The following BBLN variants were observed in gnomAD, a reference collection of about 807,000 sequenced individuals.
BBLN encodes the protein bublin coiled coil protein, also known as bublin coiled-coil protein.
Under a neutral mutation model 7.6 loss-of-function variants are expected in BBLN, and 6 were observed. That is an observed-to-expected ratio of 0.79 (90% CI 0.43 to 1.55). The LOEUF is 1.55. Among genes scored for constraint, BBLN ranks in the 40% most tolerant of loss-of-function variants. The probability of loss-of-function intolerance (pLI) is 0.01; values close to 1 mark genes in which losing one functional copy is unlikely to be tolerated. For synonymous variants in BBLN, 35 were observed against 46.7 expected (o/e 0.75, Z 1.02); for missense variants, 100 against 111.1 (o/e 0.90, Z 0.45).
rs11547072 is a variant in BBLN at position 128,163,554 on chromosome 9, G to C, written c.191G>C (p.Arg64Pro). The C allele has an allele frequency of 1.2e-6, 2 of 1,608,530 alleles. No individual in the cohort carries two copies. Among genetic ancestry groups the C allele is most frequent in the Non-Finnish European group, 1.7e-6 (2 of 1,177,300 alleles). Residue 64 changes from arginine to proline, a missense_variant, in exon 2 of 2, where the codon CGG becomes CCG. Physicochemically the swap from Arg to Pro is moderately radical, Grantham distance 103. Transcript: ENST00000372994. The surrounding 1 kb of genome is among the most constrained non-coding windows in gnomAD (Gnocchi z 5.7). ...CTCCAGGAGCTGCTGGAGTCCAACC[G>C]GCAGACACGCCTGGAGTTCCAGCAG... ...ARLQELLESN[R>P]QTRLEFQQQL... is the part of the protein sequence containing the mutation.
chr9:128,161,373 G>A (rs995443452), intron 1 of BBLN, among the ~76,000 whole-genome samples: 1 of 152,218 alleles, frequency 6.6e-6, no homozygotes, highest in African/African-American at 2.4e-5. Flanking sequence ...ATGCTGTTGG[G>A]AGCATCAGGA....
chr9:128,162,449 C>G (rs923922253), intron 1 of BBLN: 1 of 152,490 alleles, frequency 6.6e-6, no homozygotes, highest in African/African-American at 2.4e-5. Context: ...CTGGAGTGGC[C>G]GTGGAGGGGA....
chr9:128,160,268 T>C lies in BBLN; in HGVS notation c.-140T>C, dbSNP rs919170626. 6.9e-6 allele frequency: 3 copies of C among 432,564 alleles called. No homozygotes were observed. The highest frequency in any genetic ancestry group is 1.2e-5 in the Non-Finnish European group (3 of 257,974). The allele number at this position is 432,564 out of a possible 1,614,324, so 26.8% of individuals were successfully genotyped here. A position where few individuals can be genotyped will look rare whatever the true frequency, so the allele number is the denominator to read the frequency against. ...GCTTCAGGGGCGGGGCACCGGCCTC[T>C]GGGCGGAGATCTGCTGCCGCGTTCT... On this transcript the variant is annotated 5_prime_UTR_variant, in exon 1 of 2. Transcript: ENST00000372994.
At position 128,163,856 on chromosome 9, in the gene BBLN, C is replaced by T. The variant is rs749181296; in HGVS notation, c.*241C>T. On this transcript the variant is annotated 3_prime_UTR_variant, in exon 2 of 2. Coordinates refer to ENST00000372994, the MANE Select transcript of BBLN (RefSeq NM_024112.4). The surrounding 1 kb of genome is among the most constrained non-coding windows in gnomAD (Gnocchi z 5.7). ...GCCTGCAACCCACCCACTTGCCTGC[C>T]CACCCAACTCCTGGGCGCTCCCCAC... is the stretch of plus-strand genomic sequence containing the variant. 6.2e-5 allele frequency: 30 copies of T among 483,242 alleles called. No homozygotes were observed. Among genetic ancestry groups the T allele is most frequent in the Non-Finnish European group, 9.9e-5 (27 of 273,082 alleles). The allele number at this position is 483,242 out of a possible 1,614,324, so 29.9% of individuals were successfully genotyped here. A position where few individuals can be genotyped will look rare whatever the true frequency, so the allele number is the denominator to read the frequency against.
At position 128,160,355 on chromosome 9, in the gene BBLN, C is replaced by T. The variant is rs113801115; in HGVS notation, c.-53C>T. 4.0e-5 allele frequency: 45 copies of T among 1,119,248 alleles called. No individual in the cohort carries two copies. The South Asian group carries it at 5.6e-4, about 14-fold the overall frequency. The allele number at this position is 1,119,248 out of a possible 1,614,324, so 69.3% of individuals were successfully genotyped here. A position where few individuals can be genotyped will look rare whatever the true frequency, so the allele number is the denominator to read the frequency against. On this transcript the variant is annotated 5_prime_UTR_variant, in exon 1 of 2. Transcript: ENST00000372994. ...TTCCATCCGGCGCCGGCTTTCGGCG[C>T]GACGGTCGCCGCGTTCCATCGTCGC...
At position 128,163,873 on chromosome 9, in the gene BBLN, G is replaced by A. The variant is rs1403601416; in HGVS notation, c.*258G>A. The A allele has an allele frequency of 1.3e-5, 6 of 472,538 alleles. No homozygotes were observed. Among genetic ancestry groups the A allele is most frequent in the Middle Eastern group, 5.5e-4 (1 of 1,804 alleles). 29.3% of individuals were successfully genotyped at this position (472,538 alleles called of 1,614,324 possible). A position where few individuals can be genotyped will look rare whatever the true frequency, so the allele number is the denominator to read the frequency against. On this transcript the variant is annotated 3_prime_UTR_variant, in exon 2 of 2. Transcript: ENST00000372994. This position sits in a 1 kb window ranked among gnomAD's most constrained non-coding sequence, Gnocchi z 5.7. ...TTGCCTGCCCACCCAACTCCTGGGC[G>A]CTCCCCACTCTGCCCAGGCCTTGAG...
Position 128,163,832 on chromosome 9 carries a change from C to A in BBLN, c.*217C>A. 2.0e-6 allele frequency: 1 copy of A among 491,468 alleles called. No homozygotes were observed. The highest frequency in any genetic ancestry group is 3.6e-6 in the Non-Finnish European group (1 of 279,244). 30.4% of individuals were successfully genotyped at this position (491,468 alleles called of 1,614,324 possible). A position where few individuals can be genotyped will look rare whatever the true frequency, so the allele number is the denominator to read the frequency against. Reference sequence around the variant, plus strand: ...ATGCCCTCCTGGGGCCAAGAGTGGGCCTGCAACCCACCCACTTGCCTGCCC... The same window carrying A: ...ATGCCCTCCTGGGGCCAAGAGTGGGACTGCAACCCACCCACTTGCCTGCCC... On this transcript the variant is annotated 3_prime_UTR_variant, in exon 2 of 2. Coordinates refer to ENST00000372994, the MANE Select transcript of BBLN (RefSeq NM_024112.4). This position sits in a 1 kb window ranked among gnomAD's most constrained non-coding sequence, Gnocchi z 5.7.
rs73672436 is a variant in BBLN, at chr9:128,163,632, A to G, written c.*17A>G. ...AGCCCCTAGGCTCCAAGAGCCCCCA[A>G]CCGGGACCCAACCCTGCCTCCCTGG... On this transcript the variant is annotated 3_prime_UTR_variant, in exon 2 of 2. Transcript: ENST00000372994. This position sits in a 1 kb window ranked among gnomAD's most constrained non-coding sequence, Gnocchi z 5.7. The G allele has an allele frequency of 3.4e-6, 5 of 1,474,154 alleles. No homozygotes were observed. The highest frequency in any genetic ancestry group is 2.8e-5 in the African/African-American group (2 of 70,392). 91.3% of individuals were successfully genotyped at this position (1,474,154 alleles called of 1,614,324 possible). A position where few individuals can be genotyped will look rare whatever the true frequency, so the allele number is the denominator to read the frequency against.
chr9:128,161,572 GAC>G (rs372657668), intron 1 of BBLN, among the ~76,000 whole-genome samples: 13 of 152,194 alleles, frequency 8.5e-5, no homozygotes, highest in African/African-American at 2.9e-4. Flanking sequence ...TGTATCCCAG[GAC>G]ACAGAGTTCG....
chr9:128,163,898 G>C lies in BBLN; in HGVS notation c.*283G>C, dbSNP rs1002235715. 7.3e-6 allele frequency: 3 copies of C among 412,444 alleles called. No individual in the cohort carries two copies. The highest frequency in any genetic ancestry group is 1.3e-5 in the Non-Finnish European group (3 of 229,678). 25.5% of individuals were successfully genotyped at this position (412,444 alleles called of 1,614,324 possible). ...GCTCCCCACTCTGCCCAGGCCTTGA[G>C]TGTCCACATTAAATGGGTCTCCCAC... On this transcript the variant is annotated 3_prime_UTR_variant, in exon 2 of 2. Coordinates refer to ENST00000372994, the MANE Select transcript of BBLN (RefSeq NM_024112.4). This position sits in a 1 kb window ranked among gnomAD's most constrained non-coding sequence, Gnocchi z 5.7.
At chr9:128,162,909 A>C (rs1465095314) in intron 1 of BBLN, 1 of 154,488 alleles carries the variant, frequency 6.5e-6, no homozygotes, top group African/African-American at 2.4e-5. Flanking sequence ...GGGAGGACCC[A>C]GCACCTTCCA....
Position 128,163,400 on chromosome 9 carries a change from A to G in BBLN, c.80-43A>G, listed in dbSNP as rs771888992. The G allele has an allele frequency of 5.4e-6, 8 of 1,478,960 alleles. No homozygotes were observed. Among genetic ancestry groups the G allele is most frequent in the South Asian group, 2.8e-5 (2 of 72,002 alleles). 91.6% of individuals were successfully genotyped at this position (1,478,960 alleles called of 1,614,324 possible). A position where few individuals can be genotyped will look rare whatever the true frequency, so the allele number is the denominator to read the frequency against. ...GGAGGGAGGGTGTCCATTAGCCCCA[A>G]GGAGACACAGGATCTGGGCTCTGTC... On this transcript the variant is annotated intron_variant, in intron 1 of 1. Transcript: ENST00000372994. This position sits in a 1 kb window ranked among gnomAD's most constrained non-coding sequence, Gnocchi z 5.7.
At chr9:128,161,087 C>CAAAAAAAAAAAAAAAAAAAAAAAA (rs10524542) in intron 1 of BBLN, among the ~76,000 whole-genome samples, 1 of 125,942 alleles carries the variant, frequency 7.9e-6, no homozygotes, top group Non-Finnish European at 1.6e-5. Context: ...GAATTAAATG[C>CAAAAAAAAAAAAAAAAAAAAAAAA]AAAAAAAAGG....
At position 128,163,546 on chromosome 9, in the gene BBLN, G is replaced by C; in HGVS notation, c.183G>C (p.Glu61Asp). Residue 61 changes from glutamate (E) to aspartate (D), a missense_variant, in exon 2 of 2, where the codon GAG becomes GAC. Transcript: ENST00000372994. The surrounding 1 kb of genome is among the most constrained non-coding windows in gnomAD (Gnocchi z 5.7). ...HLHARLQELL[E>D]SNRQTRLEFQ... ...ACGCCCGCCTCCAGGAGCTGCTGGA[G>C]TCCAACCGGCAGACACGCCTGGAGT... The C allele has an allele frequency of 6.2e-7, 1 of 1,610,582 alleles. No homozygotes were observed. Among genetic ancestry groups the C allele is most frequent in the Non-Finnish European group, 8.5e-7 (1 of 1,178,270 alleles).
intron 1 of BBLN, chr9:128,162,776 T>TA (rs1829268507): frequency 6.5e-6 from 1 of 153,330 alleles, no homozygotes; most frequent in South Asian, 2.1e-4. Flanking sequence ...TGAGGAGGGC[T>TA]AGGGGCTCAG....
intron 1 of BBLN, among the ~76,000 whole-genome samples, chr9:128,160,700 G>C (rs1461735134): frequency 2.6e-5 from 4 of 152,280 alleles, no homozygotes; most frequent in African/African-American, 9.6e-5. Flanking sequence ...CCGTTTTACA[G>C]ATGGGGAAAC....
Position 128,163,383 on chromosome 9 carries a change from G to A in BBLN, c.80-60G>A. 7.0e-7 allele frequency: 1 copy of A among 1,423,868 alleles called. No homozygotes were observed. The highest frequency in any genetic ancestry group is 9.4e-7 in the Non-Finnish European group (1 of 1,064,808). The allele number at this position is 1,423,868 out of a possible 1,614,324, so 88.2% of individuals were successfully genotyped here. A position where few individuals can be genotyped will look rare whatever the true frequency, so the allele number is the denominator to read the frequency against. On this transcript the variant is annotated intron_variant, in intron 1 of 1. Coordinates refer to ENST00000372994, the MANE Select transcript of BBLN (RefSeq NM_024112.4). The surrounding 1 kb of genome is among the most constrained non-coding windows in gnomAD (Gnocchi z 5.7). ...GCAGGCTGGGAAACAGTGGAGGGAG[G>A]GTGTCCATTAGCCCCAAGGAGACAC... is the stretch of plus-strand genomic sequence containing the variant.
At position 128,163,204 on chromosome 9, in the gene BBLN, G is replaced by A. The variant is rs949379364; in HGVS notation, c.80-239G>A. ...GACTTCCCATGTAGGACACTGGCTC[G>A]CCACCCTATGACCACCCTAACCCTA... On this transcript the variant is annotated intron_variant, in intron 1 of 1. Transcript: ENST00000372994. The surrounding 1 kb of genome is among the most constrained non-coding windows in gnomAD (Gnocchi z 5.7). Among the ~76,000 whole-genome samples, 2 of 152,250 alleles carry A rather than the reference G, an allele frequency of 1.3e-5. No individual in the cohort carries two copies. The highest frequency in any genetic ancestry group is 2.9e-5 in the Non-Finnish European group (2 of 68,006).
At chr9:128,160,602 G>A (rs1405436317) in intron 1 of BBLN, 116 bp downstream of exon 1, 4 of 793,478 alleles carry the variant, frequency 5.0e-6, no homozygotes, top group South Asian at 2.1e-5. Flanking sequence ...CGCCCCGAGC[G>A]GGTCCGGAGT....
Sources: gnomAD v4.1 joint callset for allele counts (sites outside exome capture counted in the v4.1 genomes callset) on GRCh38, gnomAD v4.1.1 for gene constraint, Gnocchi (gnomAD v3.1) non-coding constraint, MANE v1.5 for transcripts, NCBI Gene and HGNC (gene_info 2026-07-23, HGNC 2026-07-21) for gene names.